The following COL15A1 variants were observed in gnomAD, a reference collection of about 807,000 sequenced individuals.
The protein encoded by COL15A1 is collagen type XV alpha 1 chain.
A neutral mutation model predicts 165.9 loss-of-function variants in COL15A1; 111 were observed. The ratio of observed to expected loss-of-function variants is 0.67; its 90% CI spans 0.57 to 0.78. The LOEUF (loss-of-function observed/expected upper bound fraction) is 0.78, where lower values mean the gene tolerates loss of function less well. Among genes scored for constraint, COL15A1 ranks in the 30% least tolerant of loss-of-function variants. The pLI is 0.00. For synonymous variants in COL15A1, 659 were observed against 674.8 expected (o/e 0.98, Z 0.36); for missense variants, 1,745 against 1,789.7 (o/e 0.98, Z 0.45).
Position 98,985,600 on chromosome 9 carries a change from C to T in COL15A1, c.136C>T (p.Leu46Phe). The part of the protein sequence containing the change: ...ASQGHLDLTQ[L>F]IGVPLPSSVS... ...CCAGGGTCACCTGGACCTCACGCAG[C>T]TCATCGGTGTCCCGCTGCCCTCGTC... The change falls in exon 3 of 42, where the codon CTC (leucine) becomes TTC (phenylalanine). Residue 46 changes from leucine to phenylalanine, a missense_variant. Transcript: ENST00000375001. 6.2e-7 allele frequency: 1 copy of T among 1,614,170 alleles called. No individual in the cohort carries two copies. Among genetic ancestry groups the T allele is most frequent in the South Asian group, 1.1e-5 (1 of 91,088 alleles).
In COL15A1 at chr9:98,944,022, G is replaced by A. The variant is rs200514853; in HGVS notation, c.-40G>A. ...TCCGCTAAGCTCCAACGCTCTGCTC[G>A]ACTAGCCGCGCGCCTTCCGGGGCTC... On this transcript the variant is annotated 5_prime_UTR_variant, in exon 1 of 42. Transcript: ENST00000375001. 2 of 1,613,240 alleles carry A rather than the reference G, an allele frequency of 1.2e-6. No homozygotes were observed. The highest frequency in any genetic ancestry group is 1.7e-6 in the Non-Finnish European group (2 of 1,179,616).
chr9:98,996,728 C>G (rs766676367), intron 5 of COL15A1, among the ~76,000 whole-genome samples: 1 of 152,174 alleles, frequency 6.6e-6, no homozygotes, highest in Non-Finnish European at 1.5e-5. Flanking sequence ...GTCAAGTGAA[C>G]AGAATCTAAT....
At chr9:98,951,745 A>G (rs1435480674) in intron 2 of COL15A1, among the ~76,000 whole-genome samples, 1 of 152,142 alleles carries the variant, frequency 6.6e-6, no homozygotes, top group African/African-American at 2.4e-5. Context: ...TTTTGTAGGC[A>G]TAGAGTTTTG....
intron 6 of COL15A1, among the ~76,000 whole-genome samples, chr9:98,998,154 T>A (rs1838580917): frequency 6.6e-6 from 1 of 152,252 alleles, no homozygotes; most frequent in Admixed American, 6.5e-5. Flanking sequence ...ATTAGATACA[T>A]CACATATTAG....
intron 2 of COL15A1, among the ~76,000 whole-genome samples, chr9:98,981,120 C>A (rs1480938931): frequency 6.6e-6 from 1 of 152,140 alleles, no homozygotes. Flanking sequence ...TGTGAATCAA[C>A]CCATTGTAGC....
intron 24 of COL15A1, among the ~76,000 whole-genome samples, chr9:99,043,887 G>A (rs1839451943): frequency 6.6e-6 from 1 of 152,144 alleles, no homozygotes; most frequent in South Asian, 2.1e-4. Context: ...GACAGGATTG[G>A]GGTCAGGATC....
intron 7 of COL15A1, among the ~76,000 whole-genome samples, chr9:99,001,971 C>T (rs569059384): frequency 6.6e-6 from 1 of 152,164 alleles, no homozygotes; most frequent in Non-Finnish European, 1.5e-5. Context: ...TTCTGCGTGG[C>T]TCTTTGAGTA....
chr9:99,005,086 G>T, intron 9 of COL15A1, 36 bp downstream of exon 9: 1 of 1,545,568 alleles, frequency 6.5e-7, no homozygotes, highest in South Asian at 1.3e-5. Flanking sequence ...TTGAGGTCAT[G>T]GTGGGAGCAG....
chr9:99,029,064 A>C (rs1403466598), intron 16 of COL15A1, among the ~76,000 whole-genome samples: 1 of 152,244 alleles, frequency 6.6e-6, no homozygotes, highest in Non-Finnish European at 1.5e-5. Context: ...GAACTTGCTG[A>C]AGAAGATGGA....
rs202116959 is a variant in COL15A1, at chr9:99,059,956, C to T, written c.3402+3C>T. 62 of 1,613,574 alleles carry T rather than the reference C, an allele frequency of 3.8e-5. No homozygotes were observed. The highest frequency in any genetic ancestry group is 6.8e-6 in the Non-Finnish European group (8 of 1,179,872). ...GGCTTCCCGGATCCAGAAACCTGGT[C>T]AGTATTATCATCAGTGTGTAGTCAT... On this transcript the variant is annotated splice_donor_region_variant and intron_variant, in intron 36 of 41. Transcript: ENST00000375001.
At chr9:98,991,301 C>A (rs1838425707) in intron 5 of COL15A1, among the ~76,000 whole-genome samples, 1 of 152,034 alleles carries the variant, frequency 6.6e-6, no homozygotes, top group Non-Finnish European at 1.5e-5. Context: ...TTACAGAGAG[C>A]TAATTGGTCC....
chr9:99,036,352 C>G lies in COL15A1; in HGVS notation c.2365C>G (p.Pro789Ala). Residue 789 changes from proline (P) to alanine (A), a missense_variant, in exon 21 of 42, where the codon CCT becomes GCT. Coordinates refer to ENST00000375001, the MANE Select transcript of COL15A1 (RefSeq NM_001855.5). ...GMDGASIVGP[P>A]GPRGPPGHIK... is the part of the protein sequence containing the mutation. The stretch of plus-strand genomic sequence containing the variant: ...GGATGGAGCCAGTATTGTGGGACCC[C>G]CTGGGCCGAGAGGGCCACCTGGGCA... 1 of 1,614,118 alleles carries G rather than the reference C, an allele frequency of 6.2e-7. No individual in the cohort carries two copies. The highest frequency in any genetic ancestry group is 8.5e-7 in the Non-Finnish European group (1 of 1,180,034).
chr9:98,953,224 G>T (rs1837718885), intron 2 of COL15A1, among the ~76,000 whole-genome samples: 1 of 152,158 alleles, frequency 6.6e-6, no homozygotes, highest in African/African-American at 2.4e-5. Flanking sequence ...TCAACAAAGT[G>T]CCCAGGGGAG....
At chr9:99,034,408 T>C in intron 16 of COL15A1, 141 bp from the exon 17 acceptor site, 5 of 1,376,722 alleles carry the variant, frequency 3.6e-6, no homozygotes, top group Admixed American at 4.8e-5. Context: ...ATGTGTTTGG[T>C]TTGGAGACAC....
chr9:99,057,284 G>C (rs1588537372), intron 35 of COL15A1, among the ~76,000 whole-genome samples: 1 of 152,122 alleles, frequency 6.6e-6, no homozygotes, highest in Non-Finnish European at 1.5e-5. Context: ...GTTTTGGTTT[G>C]CATTTCCCTA....
intron 16 of COL15A1, among the ~76,000 whole-genome samples, chr9:99,029,515 C>T (rs1003636084): frequency 6.6e-6 from 1 of 152,170 alleles, no homozygotes; most frequent in Admixed American, 6.5e-5. Context: ...TGGGTTTAGA[C>T]CTTCTAACAA....
chr9:99,043,529 G>A (rs926539588), intron 24 of COL15A1, among the ~76,000 whole-genome samples: 4 of 152,126 alleles, frequency 2.6e-5, no homozygotes, highest in Non-Finnish European at 5.9e-5. Context: ...TGCAGTGAAC[G>A]TGCTTTCTCT....
chr9:99,040,694 T>A, intron 23 of COL15A1, 138 bp downstream of exon 23: 1 of 1,500,428 alleles, frequency 6.7e-7, no homozygotes. Flanking sequence ...TTTCTTGATA[T>A]TTTTGATAGA....
At chr9:98,993,303 A>G (rs1231319611) in intron 5 of COL15A1, among the ~76,000 whole-genome samples, 2 of 152,200 alleles carry the variant, frequency 1.3e-5, no homozygotes, top group Non-Finnish European at 2.9e-5. Context: ...AGAGCAGCTC[A>G]GTGCTGGACT....
Sources: gnomAD v4.1 joint callset for allele counts (sites outside exome capture counted in the v4.1 genomes callset) on GRCh38, gnomAD v4.1.1 for gene constraint, MANE v1.5 for transcripts, NCBI Gene and HGNC (gene_info 2026-07-23, HGNC 2026-07-21) for gene names.